The following PGAP1 variants were observed in gnomAD, a reference collection of about 807,000 sequenced individuals.
The protein encoded by PGAP1 is post-GPI attachment to proteins inositol deacylase 1.
PGAP1 carries 76 observed loss-of-function variants against 127.0 expected under a neutral mutation model. The ratio of observed to expected loss-of-function variants is 0.60; its 90% CI spans 0.50 to 0.72. The LOEUF (loss-of-function observed/expected upper bound fraction) is 0.72, where lower values mean the gene tolerates loss of function less well. Among genes scored for constraint, PGAP1 ranks in the 30% least tolerant of loss-of-function variants. The pLI, the probability that PGAP1 is intolerant of heterozygous loss-of-function variation, is 0.00. For synonymous variants in PGAP1, 362 were observed against 366.5 expected, an observed-to-expected ratio of 0.99 and a Z score of 0.14; for missense variants, 982 against 1,071.3, an observed-to-expected ratio of 0.92 and a Z score of 1.16.
intron 13 of PGAP1, among the ~76,000 whole-genome samples, chr2:196,876,167 G>A (rs1255091677): frequency 6.6e-6 from 1 of 152,108 alleles, no homozygotes; most frequent in East Asian, 1.9e-4. Flanking sequence ...GCTAATTCAA[G>A]ATTAGTTAAA....
chr2:196,861,755 A>G (rs148194618), intron 20 of PGAP1, among the ~76,000 whole-genome samples: 1,533 of 152,240 alleles, frequency 0.01, 23 homozygotes, highest in African/African-American at 0.035. Context: ...ATGGACATTT[A>G]TTAGTTCCCC....
chr2:196,889,268 T>C (rs1008628319), intron 10 of PGAP1, among the ~76,000 whole-genome samples: 2 of 152,176 alleles, frequency 1.3e-5, no homozygotes, highest in Non-Finnish European at 2.9e-5. Flanking sequence ...ACTGCCCATC[T>C]AGATTTTAGG....
Position 196,845,885 on chromosome 2 carries a change from A to G in PGAP1, c.2283T>C (p.Phe761=), listed in dbSNP as rs1700543283. 1 of 1,605,204 alleles carries G rather than the reference A, an allele frequency of 6.2e-7. No homozygotes were observed. The highest frequency in any genetic ancestry group is 1.3e-5 in the African/African-American group (1 of 74,872). The change falls in exon 23 of 27, where the codon TTT becomes TTC. Residue 761 remains phenylalanine (F), a synonymous_variant. Coordinates refer to ENST00000354764, the MANE Select transcript of PGAP1 (RefSeq NM_024989.4). ...AILLSYLYYV[F]KVVHLQASLT... ...TGGCTTTACTGATTTGACATACCTT[A>G]AACACATAGTAAAGATAAGAAAGAA...
intron 19 of PGAP1, among the ~76,000 whole-genome samples, chr2:196,868,918 T>G (rs1701325119): frequency 6.6e-6 from 1 of 152,220 alleles, no homozygotes; most frequent in African/African-American, 2.4e-5. Flanking sequence ...TAAACAAGCA[T>G]GAAGGAAGAA....
intron 25 of PGAP1, 33 bp from the exon 26 acceptor site, chr2:196,842,858 A>G (rs1320021980): frequency 6.0e-6 from 6 of 1,006,908 alleles, no homozygotes; most frequent in Middle Eastern, 3.0e-4. Flanking sequence ...CCACAAATCA[A>G]CAATGACCTG....
At chr2:196,918,396 T>C (rs1703082330) in intron 2 of PGAP1, among the ~76,000 whole-genome samples, 1 of 152,186 alleles carries the variant, frequency 6.6e-6, no homozygotes, top group South Asian at 2.1e-4. Context: ...GGAATAATAT[T>C]CATTATTTGT....
In PGAP1 at chr2:196,900,922, G is replaced by A. The variant is rs572366830; in HGVS notation, c.807+1663C>T. Among the ~76,000 whole-genome samples the A allele has an allele frequency of 7.9e-5, 12 of 150,994 alleles. 1 individual carries two copies. The highest frequency in any genetic ancestry group is 6.3e-4 in the South Asian group (3 of 4,786). On this transcript the variant is annotated intron_variant, in intron 5 of 26. Transcript: ENST00000354764. ...AGCCTGGGCTACAGAGCGAGACTCCGTCTCAAAAAAAAAGAAAAAAAAAGA... is the reference window on the plus strand; with the variant it reads ...AGCCTGGGCTACAGAGCGAGACTCCATCTCAAAAAAAAAGAAAAAAAAAGA...
In PGAP1 at chr2:196,835,244, T is replaced by C. The variant is rs942942554; in HGVS notation, c.*5990A>G. The C allele has an allele frequency of 2.6e-5, 4 of 152,062 alleles. No homozygotes were observed. The allele number at this position is 152,062 out of a possible 1,614,324, so 9.4% of individuals were successfully genotyped here. A position where few individuals can be genotyped will look rare whatever the true frequency, so the allele number is the denominator to read the frequency against. ...TTAAGATACGCATATTAAAAGGTTG[T>C]ACTATGTTAGGTTCCAGTGGACAAG... is the stretch of plus-strand genomic sequence containing the variant. On this transcript the variant is annotated 3_prime_UTR_variant, in exon 27 of 27. Coordinates refer to ENST00000354764, the MANE Select transcript of PGAP1 (RefSeq NM_024989.4).
chr2:196,884,848 T>C (rs924047964), intron 12 of PGAP1, among the ~76,000 whole-genome samples: 5 of 152,224 alleles, frequency 3.3e-5, no homozygotes, highest in Admixed American at 2.0e-4. Flanking sequence ...TTTTGCTTTT[T>C]CAACAATAGA....
At chr2:196,857,006 G>A (rs987471417) in intron 20 of PGAP1, among the ~76,000 whole-genome samples, 15 of 151,960 alleles carry the variant, frequency 9.9e-5, no homozygotes, top group Non-Finnish European at 1.6e-4. Context: ...TCTTTTTGTG[G>A]CAGTTGTGAA....
intron 20 of PGAP1, among the ~76,000 whole-genome samples, chr2:196,864,647 A>T (rs564726717): frequency 5.9e-5 from 9 of 152,126 alleles, no homozygotes; most frequent in Non-Finnish European, 7.4e-5. Flanking sequence ...GAATGTTAAT[A>T]ATTTGCAGGT....
At chr2:196,880,389 T>C (rs1701694764) in intron 12 of PGAP1, among the ~76,000 whole-genome samples, 1 of 151,980 alleles carries the variant, frequency 6.6e-6, no homozygotes, top group Admixed American at 6.6e-5. Context: ...ATTCTTTGGA[T>C]CCCTTCATAT....
Position 196,865,042 on chromosome 2 carries a change from G to A in PGAP1, c.1806C>T (p.Val602=), listed in dbSNP as rs758380586. 3.8e-6 allele frequency: 6 copies of A among 1,570,826 alleles called. No individual in the cohort carries two copies. The highest frequency in any genetic ancestry group is 5.1e-6 in the Non-Finnish European group (6 of 1,165,564). Residue 602 remains valine, a synonymous_variant, in exon 20 of 27, where the codon GTC becomes GTT. Transcript: ENST00000354764. ...TATAAGCAAGAAGGATATTAGATAC[G>A]ACATAAGCAGGAAGAGCTCCACCAT... ...RFHGGALPAY[V]VSNILLAYRG... is the part of the protein sequence containing the mutation.
At chr2:196,890,057 C>A (rs974345387) in intron 10 of PGAP1, among the ~76,000 whole-genome samples, 2 of 151,956 alleles carry the variant, frequency 1.3e-5, no homozygotes, top group Non-Finnish European at 2.9e-5. Context: ...CCCCAGCCCC[C>A]CAAGTAGCAG....
In PGAP1 at chr2:196,875,879, C is replaced by A. The variant is rs79170928; in HGVS notation, c.1351-58G>T. The A allele has an allele frequency of 2.6e-3, 2,244 of 866,154 alleles. 32 individuals carry two copies. The African/African-American group carries it at 0.035, about 13-fold the overall frequency. The allele number at this position is 866,154 out of a possible 1,614,324, so 53.7% of individuals were successfully genotyped here. On this transcript the variant is annotated intron_variant, in intron 13 of 26. Coordinates refer to ENST00000354764, the MANE Select transcript of PGAP1 (RefSeq NM_024989.4). Reference sequence around the variant, plus strand: ...GTAAGTTAAATTTACAGTAAAGTATCTTTACTTGATGTTTGAGTGGAAAAT... The same window carrying A: ...GTAAGTTAAATTTACAGTAAAGTATATTTACTTGATGTTTGAGTGGAAAAT...
chr2:196,849,674 A>G (rs1377854880), intron 20 of PGAP1, among the ~76,000 whole-genome samples: 1 of 152,164 alleles, frequency 6.6e-6, no homozygotes, highest in African/African-American at 2.4e-5. Context: ...AATTAACACT[A>G]AAGGCAGACT....
chr2:196,873,637 A>G (rs1701472821), intron 15 of PGAP1, 48 bp downstream of exon 15: 1 of 1,594,638 alleles, frequency 6.3e-7, no homozygotes, highest in Non-Finnish European at 8.6e-7. Flanking sequence ...GTTAAAGTAA[A>G]CATTAAAGTA....
At chr2:196,922,646 A>C in intron 1 of PGAP1, 1 of 663,938 alleles carries the variant, frequency 1.5e-6, no homozygotes, top group Non-Finnish European at 1.9e-6. Context: ...CATCCTTTAA[A>C]ATCTGGCTCT....
intron 19 of PGAP1, among the ~76,000 whole-genome samples, chr2:196,865,712 C>G (rs188646868): frequency 1.6e-4 from 24 of 152,164 alleles, no homozygotes; most frequent in Admixed American, 1.4e-3. Context: ...TCTTATGGAA[C>G]TATAAGTTTT....
Sources: allele counts gnomAD v4.1 joint callset (sites outside exome capture counted in the v4.1 genomes callset), GRCh38; gene constraint gnomAD v4.1.1; transcripts MANE v1.5; gene names NCBI Gene and HGNC (gene_info 2026-07-23, HGNC 2026-07-21).